Variants in NRG3 observed in about 807,000 individuals in gnomAD.
NRG3 encodes neuregulin 3.
Under a neutral mutation model 66.9 loss-of-function variants are expected in NRG3, and 31 were observed. The observed-to-expected ratio is 0.46, with a 90% CI of 0.35 to 0.63. NRG3 has a LOEUF of 0.63. Ranked by LOEUF, NRG3 falls within the 20% of genes least tolerant of loss-of-function variation. NRG3 has a pLI of 0.00. For synonymous variants in NRG3, 393 were observed against 359.4 expected (o/e 1.09, Z -1.06); for missense variants, 910 against 878.9 (o/e 1.04, Z -0.45).
chr10:82,239,236 A>G (rs1194108553), intron 1 of NRG3, among the ~76,000 whole-genome samples: 3 of 152,134 alleles, frequency 2.0e-5, no homozygotes. Context: ...ATACACATAT[A>G]TACACATACA....
rs1167981666 is a variant in NRG3 at position 82,641,020 on chromosome 10, T to TG, written c.954-97557_954-97556insG. 2.9e-4 allele frequency among the ~76,000 whole-genome samples: 4 copies of TG among 13,560 alleles called. 1 individual carries two copies. The highest frequency in any genetic ancestry group is 1.7e-4 in the Non-Finnish European group (1 of 5,764). 8.9% of individuals were successfully genotyped at this position (13,560 alleles called of 152,430 possible). On this transcript the variant is annotated intron_variant, in intron 2 of 8. Coordinates refer to ENST00000372141, the MANE Select transcript of NRG3 (RefSeq NM_001010848.4). ...ATTTTTCAGTCTGTCGTTTTTTTTT[T>TG]TTTTTTTTTTTTTTTTTTTTTTTTT...
Position 81,950,278 on chromosome 10 carries a change from G to A in NRG3, c.823+74115G>A, listed in dbSNP as rs529467708. The stretch of plus-strand genomic sequence containing the variant: ...TTGGTCTCAATTTAGTCAAACCTGG[G>A]TTTCAGGGGATATAGCTCACATAAA... On this transcript the variant is annotated intron_variant, in intron 1 of 8. Coordinates refer to ENST00000372141, the MANE Select transcript of NRG3 (RefSeq NM_001010848.4). Among the ~76,000 whole-genome samples the A allele has an allele frequency of 4.8e-4, 73 of 152,238 alleles. 1 individual carries two copies. The South Asian group carries it at 0.011, about 23-fold the overall frequency.
intron 2 of NRG3, among the ~76,000 whole-genome samples, chr10:82,657,066 C>A (rs2051928837): frequency 6.6e-6 from 1 of 152,122 alleles, no homozygotes; most frequent in African/African-American, 2.4e-5. Flanking sequence ...AATTCAGTTA[C>A]CACCTTCTTG....
chr10:82,637,565 A>C (rs1328231427), intron 2 of NRG3, among the ~76,000 whole-genome samples: 3 of 152,186 alleles, frequency 2.0e-5, no homozygotes, highest in Non-Finnish European at 4.4e-5. Flanking sequence ...CACATCAATA[A>C]TGTGTAACCT....
chr10:82,034,014 T>G (rs900601197), intron 1 of NRG3, among the ~76,000 whole-genome samples: 1 of 152,136 alleles, frequency 6.6e-6, no homozygotes, highest in Non-Finnish European at 1.5e-5. Flanking sequence ...TTAGAAATGA[T>G]TTAAAGTAGG....
intron 2 of NRG3, among the ~76,000 whole-genome samples, chr10:82,446,587 C>T (rs563175638): frequency 5.9e-5 from 9 of 152,152 alleles, no homozygotes; most frequent in South Asian, 2.1e-4. Context: ...CTGAACGATG[C>T]GAACACATGG....
chr10:81,994,097 T>A (rs1055781717), intron 1 of NRG3, among the ~76,000 whole-genome samples: 6 of 152,214 alleles, frequency 3.9e-5, no homozygotes, highest in Non-Finnish European at 5.9e-5. Context: ...TTCTCTGTAA[T>A]GACAAATTAC....
At chr10:82,151,980 A>T (rs2070782695) in intron 1 of NRG3, among the ~76,000 whole-genome samples, 2 of 152,236 alleles carry the variant, frequency 1.3e-5, no homozygotes, top group South Asian at 4.1e-4. Flanking sequence ...TAGAATATAA[A>T]ATACGTTAGC....
rs756142257 is a variant in NRG3, at chr10:82,985,491, C to T, written c.1977C>T (p.Asp659=). The T allele has an allele frequency of 2.1e-5, 34 of 1,613,924 alleles. No individual in the cohort carries two copies. The highest frequency in any genetic ancestry group is 2.9e-5 in the Non-Finnish European group (34 of 1,180,008). Residue 659 remains aspartate, a synonymous_variant, in exon 9 of 9, where the codon GAC becomes GAT. Coordinates refer to ENST00000372141, the MANE Select transcript of NRG3 (RefSeq NM_001010848.4). ...DYELASVETE[D]SASENTAFLP... is the part of the protein sequence containing the mutation. ...AACTGGCCAGCGTAGAAACCGAGGA[C>T]AGTGCAAGCGAAAACACAGCCTTTC...
At chr10:82,604,011 G>T (rs1199340140) in intron 2 of NRG3, among the ~76,000 whole-genome samples, 3 of 152,010 alleles carry the variant, frequency 2.0e-5, no homozygotes, top group Non-Finnish European at 4.4e-5. Context: ...GTATTAGTGT[G>T]GTGTATTTGT....
chr10:82,459,765 GGAATAC>G (rs1482794471), intron 2 of NRG3, among the ~76,000 whole-genome samples: 1 of 152,122 alleles, frequency 6.6e-6, no homozygotes, highest in Non-Finnish European at 1.5e-5. Context: ...TGATTCCCTG[GGAATAC>G]CATTTCTTTC....
At chr10:82,297,295 T>C (rs2080126841) in intron 1 of NRG3, among the ~76,000 whole-genome samples, 1 of 152,026 alleles carries the variant, frequency 6.6e-6, no homozygotes, top group Admixed American at 6.6e-5. Flanking sequence ...TTTGGGTAGA[T>C]ACTCAGTAGT....
chr10:82,277,512 A>C (rs1438428447), intron 1 of NRG3, among the ~76,000 whole-genome samples: 1 of 152,098 alleles, frequency 6.6e-6, no homozygotes, highest in African/African-American at 2.4e-5. Flanking sequence ...AGATAATAAT[A>C]ATCATATCTT....
intron 1 of NRG3, among the ~76,000 whole-genome samples, chr10:81,946,858 G>A (rs1848892854): frequency 6.6e-6 from 1 of 152,104 alleles, no homozygotes; most frequent in South Asian, 2.1e-4. Context: ...TATAAACCAC[G>A]GGCTCTTGCT....
rs1266830208 is a variant in NRG3, at chr10:82,216,594, GTATAGATATA to G, written c.824-142130_824-142121del. On this transcript the variant is annotated intron_variant, in intron 1 of 8. Transcript: ENST00000372141. ...TCTGGGTGTGTGTGTGTGTGTGTGT[GTATAGATATA>G]TATAGATATATATATATATATACCC... Among the ~76,000 whole-genome samples the G allele has an allele frequency of 2.2e-5, 3 of 134,022 alleles. No homozygotes were observed. The East Asian group carries it at 7.6e-4, about 34-fold the overall frequency. 87.9% of individuals were successfully genotyped at this position (134,022 alleles called of 152,430 possible).
At chr10:82,824,551 A>G (rs1027945231) in intron 3 of NRG3, among the ~76,000 whole-genome samples, 6 of 151,912 alleles carry the variant, frequency 3.9e-5, no homozygotes, top group Non-Finnish European at 7.4e-5. Flanking sequence ...TGTCTTTTTG[A>G]TTCTAGTTAT....
chr10:82,548,551 ACACACACACG>A lies in NRG3; in HGVS notation c.953+189689_953+189698del, dbSNP rs566544352. ...CACACACACACACACACACACACAC[ACACACACACG>A]CACACGCACAATCCAGCCTTGGAAA... On this transcript the variant is annotated intron_variant, in intron 2 of 8. Coordinates refer to ENST00000372141, the MANE Select transcript of NRG3 (RefSeq NM_001010848.4). Among the ~76,000 whole-genome samples, 569 of 149,590 alleles carry A rather than the reference ACACACACACG, an allele frequency of 3.8e-3. 3 individuals carry two copies. The highest frequency in any genetic ancestry group is 0.013 in the African/African-American group (536 of 39,762).
rs758096403 is a variant in NRG3, at chr10:82,985,370, G to T, written c.1856G>T (p.Cys619Phe). Residue 619 changes from cysteine (C) to phenylalanine (F), a missense_variant, in exon 9 of 9, where the codon TGT becomes TTT. Cys to Phe is a radical substitution (Grantham distance 205). Transcript: ENST00000372141. ...VVNVSIPVSD[C>F]LIAEQQEVKI... ...AATGTGAGTATTCCAGTCAGCGATT[G>T]TCTTATAGCAGAACAACAAGAAGTG... The T allele has an allele frequency of 6.2e-7, 1 of 1,614,146 alleles. No individual in the cohort carries two copies. The highest frequency in any genetic ancestry group is 8.5e-7 in the Non-Finnish European group (1 of 1,180,008).
chr10:82,496,985 G>A (rs898037285), intron 2 of NRG3, among the ~76,000 whole-genome samples: 8 of 151,782 alleles, frequency 5.3e-5, no homozygotes, highest in African/African-American at 1.5e-4. Context: ...TTTTTTTCCC[G>A]TCAGTCTTTA....
Sources: allele counts gnomAD v4.1 joint callset (sites outside exome capture counted in the v4.1 genomes callset), GRCh38; gene constraint gnomAD v4.1.1; transcripts MANE v1.5; gene names NCBI Gene and HGNC (gene_info 2026-07-23, HGNC 2026-07-21).